MARCHF4: variants seen among roughly 807,000 people sequenced by gnomAD.
MARCHF4 encodes E3 ubiquitin-protein ligase MARCHF4.
Under a neutral mutation model 43.9 loss-of-function variants are expected in MARCHF4, and 14 were observed. That is an observed-to-expected ratio of 0.32 (90% CI 0.21 to 0.50). The LOEUF is 0.50. Among genes scored for constraint, MARCHF4 ranks in the 20% least tolerant of loss-of-function variants. MARCHF4 has a pLI of 0.98. For missense variants in MARCHF4, 468 were observed against 536.7 expected (o/e 0.87, Z 1.27); for synonymous variants, 226 against 213.3 (o/e 1.06, Z -0.52).
rs1692731116 is a variant in MARCHF4, at chr2:216,370,020, C to A, written c.241G>T (p.Ala81Ser). Residue 81 changes from alanine to serine, a missense_variant, in exon 1 of 4, where the codon GCT becomes TCT. Ala to Ser is a moderately conservative substitution (Grantham distance 99). Coordinates refer to ENST00000273067, the MANE Select transcript of MARCHF4 (RefSeq NM_020814.3). ...PGLAANNTLP[A>S]LGAGGWAGWR... ...CCTGCCCACCCCCCGGCGCCCAGAG[C>A]CGGAAGGGTGTTGTTGGCCGCCAAA... The A allele has an allele frequency of 1.9e-6, 3 of 1,543,880 alleles. No homozygotes were observed. The South Asian group carries it at 3.6e-5, about 18-fold the overall frequency.
rs1465570629 is a variant in MARCHF4, at chr2:216,320,654, TCTTTCTTTCTTTCTTTCTTTC to T, written c.517-36946_517-36926del. On this transcript the variant is annotated intron_variant, in intron 1 of 3. Transcript: ENST00000273067. Reference sequence around the variant, plus strand: ...TTCTTTCTTTCTTTCTTTCTTTCTTTCTTTCTTTCTTTCTTTCTTTCTTTTTTTTTTTTTGAGATGGAGTCC... The same window carrying T: ...TTCTTTCTTTCTTTCTTTCTTTCTTTTTTTTTTTTTTTTGAGATGGAGTCC... Among the ~76,000 whole-genome samples, 570 of 123,306 alleles carry T rather than the reference TCTTTCTTTCTTTCTTTCTTTC, an allele frequency of 4.6e-3. 10 individuals are homozygous for T. The highest frequency in any genetic ancestry group is 0.019 in the African/African-American group (521 of 27,146). The allele number at this position is 123,306 out of a possible 152,430, so 80.9% of individuals were successfully genotyped here.
rs557315823 is a variant in MARCHF4 at position 216,298,358 on chromosome 2, C to A, written c.517-14629G>T. Among the ~76,000 whole-genome samples the A allele has an allele frequency of 5.4e-5, 8 of 148,026 alleles. No homozygotes were observed. In the South Asian group the frequency reaches 1.5e-3, roughly 28 times the overall value. On this transcript the variant is annotated intron_variant, in intron 1 of 3. Coordinates refer to ENST00000273067, the MANE Select transcript of MARCHF4 (RefSeq NM_020814.3). Reference sequence around the variant, plus strand: ...ATGGCTCACTGCAGCCTTGACCTCGCAGGCTCAAGTGATTCTCCAACCTCA... The same window carrying A: ...ATGGCTCACTGCAGCCTTGACCTCGAAGGCTCAAGTGATTCTCCAACCTCA...
intron 1 of MARCHF4, among the ~76,000 whole-genome samples, chr2:216,284,364 G>A (rs953435438): frequency 3.9e-5 from 6 of 152,216 alleles, no homozygotes; most frequent in African/African-American, 1.2e-4. Context: ...AAGATGGTGT[G>A]AGGATTTGAA....
intron 1 of MARCHF4, among the ~76,000 whole-genome samples, chr2:216,328,506 G>C (rs895244730): frequency 1.3e-5 from 2 of 152,282 alleles, no homozygotes; most frequent in South Asian, 2.1e-4. Flanking sequence ...AGGACTTATG[G>C]TTCTATTTCA....
chr2:216,288,716 A>T (rs1691258413), intron 1 of MARCHF4, among the ~76,000 whole-genome samples: 1 of 152,074 alleles, frequency 6.6e-6, no homozygotes, highest in South Asian at 2.1e-4. Flanking sequence ...TGACCCTTTT[A>T]GCCTTGGTTG....
At chr2:216,328,944 A>C (rs1692040278) in intron 1 of MARCHF4, among the ~76,000 whole-genome samples, 1 of 152,208 alleles carries the variant, frequency 6.6e-6, no homozygotes, top group African/African-American at 2.4e-5. Flanking sequence ...AGGCTGAGGC[A>C]CAAGAATCAC....
chr2:216,346,919 G>T (rs1692329607), intron 1 of MARCHF4, among the ~76,000 whole-genome samples: 1 of 152,142 alleles, frequency 6.6e-6, no homozygotes, highest in Non-Finnish European at 1.5e-5. Context: ...TCATGGGGGG[G>T]ATTTCCCCTT....
chr2:216,309,595 G>A (rs901420265), intron 1 of MARCHF4, among the ~76,000 whole-genome samples: 2 of 152,172 alleles, frequency 1.3e-5, no homozygotes, highest in Non-Finnish European at 2.9e-5. Flanking sequence ...ACCATCTGAG[G>A]AGGGCTTCCC....
chr2:216,263,013 T>C (rs1400580285), intron 3 of MARCHF4, among the ~76,000 whole-genome samples: 6 of 152,100 alleles, frequency 3.9e-5, no homozygotes, highest in African/African-American at 1.2e-4. Flanking sequence ...CAAGCACTGA[T>C]CTATGTAGTG....
intron 1 of MARCHF4, among the ~76,000 whole-genome samples, chr2:216,327,293 T>C (rs1315629045): frequency 1.3e-5 from 2 of 152,164 alleles, no homozygotes; most frequent in African/African-American, 2.4e-5. Context: ...AAGTTTTTTG[T>C]TTTCCAAATG....
intron 1 of MARCHF4, among the ~76,000 whole-genome samples, chr2:216,343,300 T>C (rs1692261828): frequency 1.3e-5 from 2 of 152,212 alleles, no homozygotes; most frequent in South Asian, 2.1e-4. Flanking sequence ...GGTGCCAGCA[T>C]GATTGGGTTC....
chr2:216,367,744 G>A (rs1692688409), intron 1 of MARCHF4, among the ~76,000 whole-genome samples: 1 of 152,174 alleles, frequency 6.6e-6, no homozygotes, highest in South Asian at 2.1e-4. Context: ...AACAAGAAAG[G>A]AAAGCTTCTA....
chr2:216,362,624 G>C (rs1013477713), intron 1 of MARCHF4, among the ~76,000 whole-genome samples: 4 of 152,114 alleles, frequency 2.6e-5, no homozygotes, highest in Non-Finnish European at 5.9e-5. Flanking sequence ...CCCCTTGTGG[G>C]GCATGAGGTC....
Position 216,336,577 on chromosome 2 carries a change from G to T in MARCHF4, c.516+33168C>A, listed in dbSNP as rs1368917907. ...GTTCTGTCTGTTCTGTCTGTCTTTG[G>T]CTTGTTCTATCTGTCTGTCTGTCAC... On this transcript the variant is annotated intron_variant, in intron 1 of 3. Coordinates refer to ENST00000273067, the MANE Select transcript of MARCHF4 (RefSeq NM_020814.3). Among the ~76,000 whole-genome samples the T allele has an allele frequency of 2.6e-5, 4 of 151,696 alleles. No homozygotes were observed. The East Asian group carries it at 7.7e-4, about 29-fold the overall frequency.
At chr2:216,303,315 G>A (rs1214986797) in intron 1 of MARCHF4, 1 of 152,276 alleles carries the variant, frequency 6.6e-6, no homozygotes, top group Non-Finnish European at 1.5e-5. Context: ...CTCAGATCAT[G>A]CTTGGGTGCC....
chr2:216,287,646 G>A (rs1390944594), intron 1 of MARCHF4, among the ~76,000 whole-genome samples: 5 of 119,264 alleles, frequency 4.2e-5, no homozygotes, highest in East Asian at 3.1e-4. Flanking sequence ...TGTGGGGTGG[G>A]GGGAGGGGGG....
chr2:216,318,463 T>TA (rs1376017424), intron 1 of MARCHF4, among the ~76,000 whole-genome samples: 2 of 152,166 alleles, frequency 1.3e-5, no homozygotes, highest in East Asian at 3.8e-4. Flanking sequence ...TCATAAGTGC[T>TA]ATGAAGATAA....
chr2:216,283,605 A>T lies in MARCHF4; in HGVS notation c.641T>A (p.Val214Asp), dbSNP rs1267786245. The part of the protein sequence containing the change: ...SCELCYYKYH[V>D]IAISTKNPLQ... Reference sequence around the variant, plus strand: ...AGGATTTTTTGTGCTTATGGCGATGACGTGGTACTTGTAGTAGCACAGCTC... The same window carrying T: ...AGGATTTTTTGTGCTTATGGCGATGTCGTGGTACTTGTAGTAGCACAGCTC... Residue 214 changes from valine to aspartate, a missense_variant, in exon 2 of 4, where the codon GTC becomes GAC. Physicochemically the swap from Val to Asp is radical, Grantham distance 152. Around this residue, in one of 3 missense-constraint regions of MARCHF4, gnomAD observed 158 missense variants for 251.1 expected, o/e 0.63. Coordinates refer to ENST00000273067, the MANE Select transcript of MARCHF4 (RefSeq NM_020814.3). 6.2e-7 allele frequency: 1 copy of T among 1,610,566 alleles called. No homozygotes were observed. Among genetic ancestry groups the T allele is most frequent in the Non-Finnish European group, 8.5e-7 (1 of 1,177,136 alleles).
At chr2:216,350,221 A>C (rs1574485400) in intron 1 of MARCHF4, among the ~76,000 whole-genome samples, 12 of 130,664 alleles carry the variant, frequency 9.2e-5, no homozygotes, top group African/African-American at 1.7e-4. Context: ...ATCATGCCAC[A>C]CCCCCTCGCT....
Sources: gnomAD v4.1 joint callset for allele counts (sites outside exome capture counted in the v4.1 genomes callset) on GRCh38, gnomAD v4.1.1 for gene constraint, gnomAD v4.1.1 regional missense constraint, MANE v1.5 for transcripts, NCBI Gene and HGNC (gene_info 2026-07-23, HGNC 2026-07-21) for gene names.